PEDS1: variants seen among roughly 807,000 people sequenced by gnomAD.
The protein encoded by PEDS1 is plasmanylethanolamine desaturase 1, also known as CarF homolog.
Under a neutral mutation model 35.2 loss-of-function variants are expected in PEDS1, and 14 were observed. The observed-to-expected ratio is 0.40, with a 90% CI of 0.26 to 0.62. The LOEUF (loss-of-function observed/expected upper bound fraction) is 0.62, where lower values mean the gene tolerates loss of function less well. Ranked by LOEUF, PEDS1 falls within the 20% of genes least tolerant of loss-of-function variation. The pLI is 0.44. For synonymous variants in PEDS1, 152 were observed against 152.0 expected (o/e 1.00, Z 0.00); for missense variants, 260 against 367.8 (o/e 0.71, Z 2.40).
rs1311516157 is a variant in PEDS1 at position 50,128,944 on chromosome 20, C to A, written c.478+602G>T. Among the ~76,000 whole-genome samples the A allele has an allele frequency of 6.6e-6, 1 of 152,164 alleles. No homozygotes were observed. Among genetic ancestry groups the A allele is most frequent in the Non-Finnish European group, 1.5e-5 (1 of 68,016 alleles). On this transcript the variant is annotated intron_variant, in intron 4 of 5. Transcript: ENST00000371652. This position sits in a 1 kb window ranked among gnomAD's most constrained non-coding sequence, Gnocchi z 5.2. ...CCCAGGGAAGGGGATGGGCAGGGTG[C>A]CATAGCACCCACTACACTACACGTC...
At chr20:50,146,000 G>T (rs571408186) in intron 1 of PEDS1, among the ~76,000 whole-genome samples, 1 of 152,060 alleles carries the variant, frequency 6.6e-6, no homozygotes. Context: ...CTCTCGCCCC[G>T]CTCTATCCTG....
chr20:50,129,613 C>A lies in PEDS1; in HGVS notation c.411G>T (p.Gly137=). The A allele has an allele frequency of 6.2e-7, 1 of 1,614,062 alleles. No homozygotes were observed. Among genetic ancestry groups the A allele is most frequent in the Non-Finnish European group, 8.5e-7 (1 of 1,180,014 alleles). ...ITRHDFIETN[G]DNCLVTLLPL... ...GCAGCAGTGTCACCAGGCAGTTGTC[C>A]CCGTTGGTCTCGATGAAGTCGTGCC... is the stretch of plus-strand genomic sequence containing the variant. Residue 137 remains glycine, a synonymous_variant, in exon 4 of 6, where the codon GGG becomes GGT. Coordinates refer to ENST00000371652, the MANE Select transcript of PEDS1 (RefSeq NM_199129.4). The surrounding 1 kb of genome is among the most constrained non-coding windows in gnomAD (Gnocchi z 4.2).
Position 50,123,494 on chromosome 20 carries a change from G to GACCTCAGGTGATCTGTCC in PEDS1, c.*1546_*1563dup, listed in dbSNP as rs1463563797. On this transcript the variant is annotated 3_prime_UTR_variant, in exon 6 of 6. Transcript: ENST00000371652. ...TTGGCCAGGCTGGTCTAGAACTCCT[G>GACCTCAGGTGATCTGTCC]ACCTCAGGTGATCTGTCCGCCTCAG... The GACCTCAGGTGATCTGTCC allele has an allele frequency of 6.6e-6, 1 of 152,314 alleles. No homozygotes were observed. The highest frequency in any genetic ancestry group is 1.9e-4 in the East Asian group (1 of 5,192). The allele number at this position is 152,314 out of a possible 1,614,324, so 9.4% of individuals were successfully genotyped here. A position where few individuals can be genotyped will look rare whatever the true frequency, so the allele number is the denominator to read the frequency against.
intron 1 of PEDS1, among the ~76,000 whole-genome samples, chr20:50,147,760 A>C (rs2081360249): frequency 6.6e-6 from 1 of 152,194 alleles, no homozygotes; most frequent in Non-Finnish European, 1.5e-5. Flanking sequence ...TCCATAAAGA[A>C]TGCATACACA....
chr20:50,135,819 T>C (rs375438711), intron 2 of PEDS1, among the ~76,000 whole-genome samples: 3 of 152,144 alleles, frequency 2.0e-5, no homozygotes, highest in Admixed American at 6.6e-5. Context: ...CGGATTCAGA[T>C]GGTAGGTGCT....
intron 2 of PEDS1, among the ~76,000 whole-genome samples, chr20:50,134,998 C>T (rs532964543): frequency 1.3e-5 from 2 of 152,010 alleles, no homozygotes; most frequent in Non-Finnish European, 2.9e-5. Context: ...GTCTGGCCAA[C>T]ATGGTGAAAC....
In PEDS1 at chr20:50,122,046, C is replaced by T. The variant is rs1304911574; in HGVS notation, c.*3012G>A. On this transcript the variant is annotated 3_prime_UTR_variant, in exon 6 of 6. Transcript: ENST00000371652. ...GATTGGTTCAGGGATGGGCACGTGA[C>T]CCAGTCCAGACCAATGAGAGCCTGC... 1 of 152,212 alleles carries T rather than the reference C, an allele frequency of 6.6e-6. No individual in the cohort carries two copies. The highest frequency in any genetic ancestry group is 1.5e-5 in the Non-Finnish European group (1 of 68,054). 9.4% of individuals were successfully genotyped at this position (152,212 alleles called of 1,614,324 possible). A position where few individuals can be genotyped will look rare whatever the true frequency, so the allele number is the denominator to read the frequency against.
chr20:50,146,887 C>T (rs1342017366), intron 1 of PEDS1, among the ~76,000 whole-genome samples: 1 of 152,312 alleles, frequency 6.6e-6, no homozygotes, highest in South Asian at 2.1e-4. Context: ...GCAGCCGCCC[C>T]AGCCTGGGGA....
chr20:50,125,281 T>G (rs1439026718), intron 5 of PEDS1, 102 bp from the exon 6 acceptor site: 8 of 1,477,712 alleles, frequency 5.4e-6, no homozygotes, highest in Non-Finnish European at 7.4e-6. Context: ...CAATGAGGAG[T>G]GAGTCAGTAC....
chr20:50,145,599 G>A (rs1007823568), intron 1 of PEDS1, among the ~76,000 whole-genome samples: 3 of 152,052 alleles, frequency 2.0e-5, no homozygotes, highest in Non-Finnish European at 2.9e-5. Flanking sequence ...GGAGAGGCAG[G>A]AGAATCGCTT....
At chr20:50,151,468 G>A (rs890665731) in intron 1 of PEDS1, among the ~76,000 whole-genome samples, 62 of 152,242 alleles carry the variant, frequency 4.1e-4, no homozygotes, top group African/African-American at 1.4e-3. Flanking sequence ...ACACTAAAGA[G>A]GGAGGCCCTT....
chr20:50,140,240 C>A (rs1032047546), intron 2 of PEDS1, among the ~76,000 whole-genome samples: 4 of 152,280 alleles, frequency 2.6e-5, no homozygotes, highest in Admixed American at 1.3e-4. Flanking sequence ...CCACCCAGGT[C>A]TGGGCCACCC....
At chr20:50,139,480 G>T (rs1352104980) in intron 2 of PEDS1, among the ~76,000 whole-genome samples, 2 of 150,290 alleles carry the variant, frequency 1.3e-5, no homozygotes, top group Non-Finnish European at 3.0e-5. Flanking sequence ...TCTCCTCTTG[G>T]CCCCTGCAAG....
intron 5 of PEDS1, among the ~76,000 whole-genome samples, chr20:50,126,347 T>C (rs967825948): frequency 7.2e-5 from 11 of 152,198 alleles, no homozygotes; most frequent in Admixed American, 2.6e-4. Flanking sequence ...CAAACCAGGA[T>C]TGGAACTCAG....
At chr20:50,142,788 C>T (rs2147296363) in intron 2 of PEDS1, among the ~76,000 whole-genome samples, 1 of 151,246 alleles carries the variant, frequency 6.6e-6, no homozygotes, top group East Asian at 2.0e-4. Flanking sequence ...CACACCTCCT[C>T]TGCTGAGAGG....
Position 50,129,278 on chromosome 20 carries a change from C to T in PEDS1, c.478+268G>A, listed in dbSNP as rs1039957426. 6.6e-6 allele frequency among the ~76,000 whole-genome samples: 1 copy of T among 152,146 alleles called. No individual in the cohort carries two copies. The highest frequency in any genetic ancestry group is 2.4e-5 in the African/African-American group (1 of 41,424). ...GGGACGGTGGTAAACTGGAAAGACG[C>T]GTCCTGTCAAAGGCAGTGGCTGCAG... On this transcript the variant is annotated intron_variant, in intron 4 of 5. Transcript: ENST00000371652. The surrounding 1 kb of genome is among the most constrained non-coding windows in gnomAD (Gnocchi z 4.2).
At chr20:50,138,712 T>C (rs1245667782) in intron 2 of PEDS1, among the ~76,000 whole-genome samples, 1 of 152,204 alleles carries the variant, frequency 6.6e-6, no homozygotes, top group Non-Finnish European at 1.5e-5. Flanking sequence ...GCTGCTTTAA[T>C]GGGGGCAGGG....
intron 1 of PEDS1, among the ~76,000 whole-genome samples, chr20:50,152,235 G>A (rs182857545): frequency 2.2e-4 from 34 of 152,320 alleles, no homozygotes; most frequent in African/African-American, 7.9e-4. Context: ...AATGCAAATG[G>A]TCCGTGGCCA....
At chr20:50,150,376 C>A (rs2081390439) in intron 1 of PEDS1, among the ~76,000 whole-genome samples, 1 of 148,760 alleles carries the variant, frequency 6.7e-6, no homozygotes, top group African/African-American at 2.4e-5. Flanking sequence ...CCTCCATATT[C>A]CCTAAACATG....
Sources: gnomAD v4.1 joint callset for allele counts (sites outside exome capture counted in the v4.1 genomes callset) on GRCh38, gnomAD v4.1.1 for gene constraint, Gnocchi (gnomAD v3.1) non-coding constraint, MANE v1.5 for transcripts, NCBI Gene and HGNC (gene_info 2026-07-23, HGNC 2026-07-21) for gene names.